The following MINDY3 variants were observed in gnomAD, a reference collection of about 807,000 sequenced individuals.
MINDY3 encodes MINDY lysine 48 deubiquitinase 3, also known as ubiquitin carboxyl-terminal hydrolase MINDY-3.
MINDY3 carries 38 observed loss-of-function variants against 69.2 expected under a neutral mutation model. The ratio of observed to expected loss-of-function variants is 0.55; its 90% CI spans 0.42 to 0.72. MINDY3 has a LOEUF of 0.72. MINDY3 is among the 30% of genes least tolerant of loss of function. MINDY3 has a pLI of 0.00. For synonymous variants in MINDY3, 192 were observed against 180.1 expected (o/e 1.07, Z -0.53); for missense variants, 522 against 519.0 (o/e 1.01, Z -0.06).
At chr10:15,835,946 C>T (rs1738786972) in intron 6 of MINDY3, among the ~76,000 whole-genome samples, 1 of 152,050 alleles carries the variant, frequency 6.6e-6, no homozygotes, top group African/African-American at 2.4e-5. Flanking sequence ...CCATCCATCA[C>T]AACTCCTATC....
intron 2 of MINDY3, among the ~76,000 whole-genome samples, chr10:15,846,737 T>C (rs1023376476): frequency 4.6e-5 from 7 of 152,058 alleles, no homozygotes; most frequent in African/African-American, 1.4e-4. Flanking sequence ...TTTTTTTTTT[T>C]TTTTGAGACA....
intron 8 of MINDY3, among the ~76,000 whole-genome samples, chr10:15,830,316 T>G (rs572751197): frequency 1.3e-5 from 2 of 152,296 alleles, no homozygotes; most frequent in South Asian, 4.1e-4. Context: ...CTCAAGGACT[T>G]GATGAATATC....
rs574274875 is a variant in MINDY3, at chr10:15,849,446, G to T, written c.95-1503C>A. On this transcript the variant is annotated intron_variant, in intron 1 of 14. Transcript: ENST00000277632. ...GTAAAACAGTAATATCATCTTACTG[G>T]TTTTTTTTTTTTTTCTTTTTCCTTT... Among the ~76,000 whole-genome samples, 17 of 142,940 alleles carry T rather than the reference G, an allele frequency of 1.2e-4. No homozygotes were observed. The East Asian group carries it at 2.5e-3, about 21-fold the overall frequency. The allele number at this position is 142,940 out of a possible 152,430, so 93.8% of individuals were successfully genotyped here. A position where few individuals can be genotyped will look rare whatever the true frequency, so the allele number is the denominator to read the frequency against.
In MINDY3 at chr10:15,818,676, C is replaced by T. The variant is rs1839542259; in HGVS notation, c.802-1761G>A. ...CATAAAAAGGAATGAAATACTAACA[C>T]ATGTAAAAAACAGAGATGAACAATG... is the stretch of plus-strand genomic sequence containing the variant. On this transcript the variant is annotated intron_variant, in intron 9 of 14. Transcript: ENST00000277632. Among the ~76,000 whole-genome samples the T allele has an allele frequency of 2.0e-5, 3 of 152,060 alleles. No homozygotes were observed. The South Asian group carries it at 6.2e-4, about 32-fold the overall frequency.
chr10:15,860,237 G>C lies in MINDY3; in HGVS notation c.63C>G (p.Leu21=). 1 of 1,610,928 alleles carries C rather than the reference G, an allele frequency of 6.2e-7. No homozygotes were observed. The highest frequency in any genetic ancestry group is 1.7e-4 in the Middle Eastern group (1 of 6,044). Residue 21 remains leucine (L), a synonymous_variant, in exon 1 of 15, where the codon CTC becomes CTG. Transcript: ENST00000277632. ...TCCAGCGGCAGAAAATGGTGTCCGA[G>C]AGACCGGGGCTGCTCTTGGTGCCCC... ...LVWGTKSSPG[L]SDTIFCRWTQ...
intron 1 of MINDY3, chr10:15,857,915 G>A: frequency 1.0e-6 from 1 of 980,736 alleles, no homozygotes; most frequent in Non-Finnish European, 1.2e-6. Context: ...TCTGTATCTT[G>A]CTTCCAGAAA....
intron 14 of MINDY3, 147 bp from the exon 15 acceptor site, chr10:15,779,288 A>T: frequency 1.7e-6 from 1 of 587,672 alleles, no homozygotes; most frequent in East Asian, 3.1e-5. Context: ...GCTAGAAATG[A>T]GAAGGAATAT....
chr10:15,798,314 T>C lies in MINDY3; in HGVS notation c.883-2142A>G, dbSNP rs572390953. 5.9e-5 allele frequency among the ~76,000 whole-genome samples: 9 copies of C among 152,230 alleles called. No homozygotes were observed. In the South Asian group the frequency reaches 1.9e-3, roughly 32 times the overall value. On this transcript the variant is annotated intron_variant, in intron 10 of 14. Coordinates refer to ENST00000277632, the MANE Select transcript of MINDY3 (RefSeq NM_024948.4). ...AAAGTAAAGTTTGGGAAATTATCGC[T>C]GTTTACATAGTAGAGGGAAGCAAGT...
chr10:15,817,157 A>C (rs548604605), intron 9 of MINDY3: 1 of 394,614 alleles, frequency 2.5e-6, no homozygotes, highest in African/African-American at 2.1e-5. Flanking sequence ...TAGATTTAAC[A>C]CAGCTGGAGA....
At chr10:15,854,185 G>A (rs982540825) in intron 1 of MINDY3, among the ~76,000 whole-genome samples, 6 of 152,072 alleles carry the variant, frequency 3.9e-5, no homozygotes, top group African/African-American at 9.7e-5. Flanking sequence ...TTTAGATTTC[G>A]TATTGCAACT....
At chr10:15,798,838 C>A (rs1588536022) in intron 10 of MINDY3, among the ~76,000 whole-genome samples, 1 of 151,996 alleles carries the variant, frequency 6.6e-6, no homozygotes, top group African/African-American at 2.4e-5. Flanking sequence ...TTAAAGTAAA[C>A]CTTAATGAAA....
chr10:15,792,526 G>T (rs1837498111), intron 11 of MINDY3, among the ~76,000 whole-genome samples: 1 of 152,060 alleles, frequency 6.6e-6, no homozygotes, highest in South Asian at 2.1e-4. Context: ...AGGGCACAGG[G>T]AGGAGCATTT....
chr10:15,801,845 A>G (rs1480970151), intron 10 of MINDY3, among the ~76,000 whole-genome samples: 3 of 151,942 alleles, frequency 2.0e-5, no homozygotes, highest in Non-Finnish European at 2.9e-5. Flanking sequence ...CAATCAGAGT[A>G]AAGGGTTTCA....
chr10:15,853,535 A>C (rs1834458061), intron 1 of MINDY3, among the ~76,000 whole-genome samples: 1 of 152,066 alleles, frequency 6.6e-6, no homozygotes, highest in Admixed American at 6.6e-5. Flanking sequence ...CAATTTAAGA[A>C]CATACTTACT....
intron 14 of MINDY3, 89 bp from the exon 15 acceptor site, chr10:15,779,230 T>G: frequency 4.3e-6 from 5 of 1,163,146 alleles, no homozygotes; most frequent in Non-Finnish European, 1.2e-6. Context: ...GGCTAGCAAA[T>G]AAGGTATTAC....
At position 15,832,948 on chromosome 10, in the gene MINDY3, G is replaced by C. The variant is rs1445619665; in HGVS notation, c.730+682C>G. ...CCTGGAGCTTCGTGTCCTATGCTACGTACTTCAGAGAGGCACACTGTGGTT... is the reference window on the plus strand; with the variant it reads ...CCTGGAGCTTCGTGTCCTATGCTACCTACTTCAGAGAGGCACACTGTGGTT... On this transcript the variant is annotated intron_variant, in intron 8 of 14. Coordinates refer to ENST00000277632, the MANE Select transcript of MINDY3 (RefSeq NM_024948.4). 2.6e-5 allele frequency among the ~76,000 whole-genome samples: 4 copies of C among 152,100 alleles called. No individual in the cohort carries two copies. In the South Asian group the frequency reaches 8.3e-4, roughly 32 times the overall value.
intron 2 of MINDY3, among the ~76,000 whole-genome samples, chr10:15,845,385 T>C (rs1168944581): frequency 6.6e-6 from 1 of 152,226 alleles, no homozygotes; most frequent in African/African-American, 2.4e-5. Flanking sequence ...ATTTTTATAC[T>C]CTAAAAAAGT....
intron 2 of MINDY3, among the ~76,000 whole-genome samples, chr10:15,847,427 C>T (rs757250725): frequency 6.6e-6 from 1 of 152,144 alleles, no homozygotes; most frequent in African/African-American, 2.4e-5. Context: ...AAGCTGCCAA[C>T]TTTTTTCAAA....
At chr10:15,818,839 A>G (rs1839554038) in intron 9 of MINDY3, among the ~76,000 whole-genome samples, 2 of 152,110 alleles carry the variant, frequency 1.3e-5, no homozygotes, top group South Asian at 4.1e-4. Flanking sequence ...GAGTGGGAGG[A>G]GCATGGGACT....
Sources: allele counts gnomAD v4.1 joint callset (sites outside exome capture counted in the v4.1 genomes callset), GRCh38; gene constraint gnomAD v4.1.1; transcripts MANE v1.5; gene names NCBI Gene and HGNC (gene_info 2026-07-23, HGNC 2026-07-21).